The following AUTS2 variants were observed in gnomAD, a reference collection of about 807,000 sequenced individuals.
The protein encoded by AUTS2 is activator of transcription and developmental regulator AUTS2.
In AUTS2, 17 loss-of-function variants were observed where a neutral mutation model predicts 112.4. The observed-to-expected ratio is 0.15, with a 90% confidence interval of 0.10 to 0.23. The LOEUF is 0.23. Ranked by LOEUF, AUTS2 falls within the 10% of genes least tolerant of loss-of-function variation. AUTS2 has a pLI of 1.00. For missense variants in AUTS2, 1,510 were observed against 1,701.6 expected (o/e 0.89, Z 1.98); for synonymous variants, 751 against 702.7 (o/e 1.07, Z -1.09).
chr7:70,622,281 T>C (rs1804722717), intron 5 of AUTS2, among the ~76,000 whole-genome samples: 1 of 152,216 alleles, frequency 6.6e-6, no homozygotes, highest in Non-Finnish European at 1.5e-5. Context: ...CTTTGACTTA[T>C]ATTCTCTCCT....
intron 6 of AUTS2, among the ~76,000 whole-genome samples, chr7:70,711,718 C>A (rs1810060295): frequency 6.6e-6 from 1 of 152,170 alleles, no homozygotes; most frequent in East Asian, 1.9e-4. Context: ...TAGACCATGA[C>A]AAGCGGCTGT....
chr7:70,590,773 T>C (rs565775436), intron 5 of AUTS2, among the ~76,000 whole-genome samples: 6 of 152,216 alleles, frequency 3.9e-5, no homozygotes, highest in Non-Finnish European at 8.8e-5. Flanking sequence ...GATTTCCCAG[T>C]TGTAACAAAC....
At chr7:70,414,508 C>T (rs1794911215) in intron 4 of AUTS2, among the ~76,000 whole-genome samples, 1 of 152,144 alleles carries the variant, frequency 6.6e-6, no homozygotes, top group Non-Finnish European at 1.5e-5. Context: ...AGGTTGGTCA[C>T]AAACTGGGTA....
chr7:70,691,051 G>A (rs1476107161), intron 5 of AUTS2, among the ~76,000 whole-genome samples: 5 of 152,174 alleles, frequency 3.3e-5, no homozygotes, highest in Non-Finnish European at 5.9e-5. Context: ...TAAATCTTTA[G>A]ATGTATTTTT....
chr7:70,511,845 G>A (rs1388887569), intron 5 of AUTS2, among the ~76,000 whole-genome samples: 3 of 151,832 alleles, frequency 2.0e-5, no homozygotes, highest in South Asian at 4.2e-4. Context: ...CCAAAGTGCT[G>A]GGATTACAGG....
Position 70,764,746 on chromosome 7 carries a change from C to A in AUTS2, c.1215-6C>A. The A allele has an allele frequency of 1.4e-6, 1 of 726,532 alleles. No homozygotes were observed. The highest frequency in any genetic ancestry group is 1.5e-5 in the South Asian group (1 of 67,722). The allele number at this position is 726,532 out of a possible 1,614,324, so 45.0% of individuals were successfully genotyped here. On this transcript the variant is annotated splice_polypyrimidine_tract_variant and splice_region_variant and intron_variant, in intron 7 of 18. Coordinates refer to ENST00000342771, the MANE Select transcript of AUTS2 (RefSeq NM_015570.4). Reference sequence around the variant, plus strand: ...TTTTCTTTTCTTTTTTTTCTTGTTCCGATAGCAGCAGCAGAAGCAGCACTC... The same window carrying A: ...TTTTCTTTTCTTTTTTTTCTTGTTCAGATAGCAGCAGCAGAAGCAGCACTC...
chr7:70,064,851 G>A (rs1428796875), intron 2 of AUTS2, among the ~76,000 whole-genome samples: 1 of 152,082 alleles, frequency 6.6e-6, no homozygotes, highest in African/African-American at 2.4e-5. Context: ...ATCATGATTT[G>A]CTTTATCCTA....
intron 6 of AUTS2, among the ~76,000 whole-genome samples, chr7:70,735,825 C>T (rs902636434): frequency 1.3e-5 from 2 of 152,120 alleles, no homozygotes; most frequent in Non-Finnish European, 2.9e-5. Flanking sequence ...CCTAGATGAA[C>T]GGAACTACAA....
At chr7:69,684,096 G>A (rs1796946436) in intron 1 of AUTS2, among the ~76,000 whole-genome samples, 1 of 152,172 alleles carries the variant, frequency 6.6e-6, no homozygotes, top group South Asian at 2.1e-4. Flanking sequence ...AGCCCTGTAG[G>A]TTCTTAGGGC....
chr7:70,290,750 G>A (rs758094419), intron 4 of AUTS2: 2 of 908,836 alleles, frequency 2.2e-6, no homozygotes, highest in Non-Finnish European at 2.9e-6. Context: ...AGCTATGACT[G>A]TAACGTTTCT....
chr7:69,945,128 T>TA (rs1759604598), intron 2 of AUTS2, among the ~76,000 whole-genome samples: 1 of 152,208 alleles, frequency 6.6e-6, no homozygotes, highest in South Asian at 2.1e-4. Context: ...TCACATACCA[T>TA]AAAATTCCAC....
chr7:70,520,379 G>A (rs1337196810), intron 5 of AUTS2, among the ~76,000 whole-genome samples: 3 of 152,110 alleles, frequency 2.0e-5, no homozygotes, highest in Non-Finnish European at 4.4e-5. Context: ...ACATGTTCCA[G>A]CCTCACTGGC....
chr7:70,736,863 A>G (rs532084524), intron 6 of AUTS2, among the ~76,000 whole-genome samples: 7 of 152,308 alleles, frequency 4.6e-5, no homozygotes, highest in Admixed American at 1.3e-4. Context: ...GGATTGTGCA[A>G]TGGAGTCAGA....
chr7:69,807,684 C>T (rs1323297098), intron 1 of AUTS2, among the ~76,000 whole-genome samples: 1 of 152,136 alleles, frequency 6.6e-6, no homozygotes, highest in Non-Finnish European at 1.5e-5. Context: ...GGGCCACTGT[C>T]ATCTGAATGT....
intron 5 of AUTS2, among the ~76,000 whole-genome samples, chr7:70,541,369 A>G (rs529958760): frequency 2.0e-5 from 3 of 152,290 alleles, no homozygotes; most frequent in Admixed American, 2.0e-4. Context: ...AGGGTCGTTC[A>G]TTTATTTCAA....
chr7:69,734,722 G>T (rs1786953442), intron 1 of AUTS2, among the ~76,000 whole-genome samples: 1 of 149,500 alleles, frequency 6.7e-6, no homozygotes, highest in Non-Finnish European at 1.5e-5. Flanking sequence ...TCCTTTTCTT[G>T]TCTCCAGAGT....
rs1783655802 is a variant in AUTS2 at position 70,785,012 on chromosome 7, C to T, written c.2217C>T (p.Ala739=). The T allele has an allele frequency of 6.2e-7, 1 of 1,614,054 alleles. No homozygotes were observed. The highest frequency in any genetic ancestry group is 8.5e-7 in the Non-Finnish European group (1 of 1,180,052). The part of the protein sequence containing the change: ...PHHSNFLNPA[A]HLEPFNRPST... ...ACAGCAACTTCCTCAACCCTGCTGC[C>T]CACCTAGGTGAGTCGCCCAAAATAA... The change falls in exon 16 of 19, where the codon GCC becomes GCT. Residue 739 remains alanine (A), a synonymous_variant. Transcript: ENST00000342771.
intron 4 of AUTS2, among the ~76,000 whole-genome samples, chr7:70,164,521 T>C (rs554876652): frequency 2.1e-4 from 32 of 152,242 alleles, no homozygotes; most frequent in African/African-American, 7.7e-4. Context: ...TGTTCTTCGA[T>C]TGGTTGGATT....
chr7:69,623,988 A>C (rs1355383169), intron 1 of AUTS2, among the ~76,000 whole-genome samples: 1 of 152,194 alleles, frequency 6.6e-6, no homozygotes, highest in Non-Finnish European at 1.5e-5. Flanking sequence ...TAAGTGAAAA[A>C]AGCATTGTCT....
Sources: allele counts gnomAD v4.1 joint callset (sites outside exome capture counted in the v4.1 genomes callset), GRCh38; gene constraint gnomAD v4.1.1; transcripts MANE v1.5; gene names NCBI Gene and HGNC (gene_info 2026-07-23, HGNC 2026-07-21).